Variants in TRPC5 observed in about 807,000 individuals in gnomAD.
TRPC5 encodes short transient receptor potential channel 5.
TRPC5 carries 9 observed loss-of-function variants against 56.5 expected under a neutral mutation model. The ratio of observed to expected loss-of-function variants is 0.16; its 90% CI spans 0.10 to 0.28. The LOEUF is 0.28. Ranked by LOEUF, TRPC5 falls within the 10% of genes least tolerant of loss-of-function variation. The pLI is 1.00. For missense variants in TRPC5, 469 were observed against 748.9 expected, an observed-to-expected ratio of 0.63 and a Z score of 4.36; for synonymous variants, 282 against 278.5, an observed-to-expected ratio of 1.01 and a Z score of -0.13.
chrX:112,060,465 T>C (rs1930434501), intron 1 of TRPC5, among the ~76,000 whole-genome samples: 1 of 112,390 alleles, frequency 8.9e-6, no homozygotes, highest in Admixed American at 9.4e-5. Context: ...TTAATGAACA[T>C]GAGGCTGCTC....
At chrX:111,967,235 A>T (rs1345200597) in intron 1 of TRPC5, among the ~76,000 whole-genome samples, 10 of 111,667 alleles carry the variant, frequency 9.0e-5, no homozygotes, top group East Asian at 8.4e-4. Context: ...CACAATTGCT[A>T]CAAAGAGAAT....
At chrX:111,803,138 A>G (rs1294500060) in intron 7 of TRPC5, among the ~76,000 whole-genome samples, 1 of 111,302 alleles carries the variant, frequency 9.0e-6, no homozygotes, top group East Asian at 2.8e-4. Context: ...TCTTTGTGAT[A>G]GTTTGCTGAG....
chrX:111,951,430 A>G (rs186135151), intron 2 of TRPC5, among the ~76,000 whole-genome samples: 86 of 112,128 alleles, frequency 7.7e-4, no homozygotes, highest in South Asian at 3.8e-4. Context: ...GGGATTGGAC[A>G]TGGGGGCAAG....
At chrX:112,019,063 A>G (rs975184871) in intron 1 of TRPC5, among the ~76,000 whole-genome samples, 14 of 112,648 alleles carry the variant, frequency 1.2e-4, no homozygotes, top group African/African-American at 4.2e-4. Flanking sequence ...AGTCCCATCT[A>G]GATAATCATA....
intron 1 of TRPC5, among the ~76,000 whole-genome samples, chrX:111,997,209 C>G (rs1928561058): frequency 9.0e-6 from 1 of 111,686 alleles, no homozygotes; most frequent in Non-Finnish European, 1.9e-5. Flanking sequence ...GACAAAACCT[C>G]TCAGCATTTG....
intron 1 of TRPC5, among the ~76,000 whole-genome samples, chrX:111,973,106 G>T (rs1203497366): frequency 8.9e-6 from 1 of 111,766 alleles, no homozygotes; most frequent in East Asian, 2.8e-4. Context: ...TTCTTAGTAT[G>T]TAAAAACTCA....
At chrX:111,947,407 G>A (rs1286688155) in intron 2 of TRPC5, among the ~76,000 whole-genome samples, 3 of 111,355 alleles carry the variant, frequency 2.7e-5, no homozygotes, top group Non-Finnish European at 5.7e-5. Context: ...TGCGATCTTG[G>A]CTCACTGCAA....
chrX:112,047,293 A>G (rs1930063377), intron 1 of TRPC5, among the ~76,000 whole-genome samples: 1 of 111,386 alleles, frequency 9.0e-6, no homozygotes, highest in Admixed American at 9.5e-5. Flanking sequence ...TATTTTCTTG[A>G]AAGTGGTTTT....
At chrX:111,948,752 A>G (rs1001804091) in intron 2 of TRPC5, among the ~76,000 whole-genome samples, 1 of 109,835 alleles carries the variant, frequency 9.1e-6, no homozygotes, top group African/African-American at 3.3e-5. Context: ...AAAAAGAAAA[A>G]AAGTGGAAAG....
Position 111,782,058 on chromosome X carries a change from A to T in TRPC5, c.1977T>A (p.Pro659=). ...TGGGGCTGGGGATGATGTTGAAAGGAGGTGGCAAGGTGCCACCTTCATCAA... is the reference window on the plus strand; with the variant it reads ...TGGGGCTGGGGATGATGTTGAAAGGTGGTGGCAAGGTGCCACCTTCATCAA... ...SYFDEGGTLP[P]PFNIIPSPKS... is the part of the protein sequence containing the mutation. The change falls in exon 8 of 11, where the codon CCT becomes CCA. Residue 659 remains proline, a synonymous_variant. Transcript: ENST00000262839. 1 of 1,211,379 alleles carries T rather than the reference A, an allele frequency of 8.3e-7. No homozygotes were observed. Among genetic ancestry groups the T allele is most frequent in the Non-Finnish European group, 1.1e-6 (1 of 895,235 alleles).
At chrX:112,074,647 T>A in intron 1 of TRPC5, among the ~76,000 whole-genome samples, 2 of 111,542 alleles carry the variant, frequency 1.8e-5, no homozygotes, top group Middle Eastern at 9.3e-3. Flanking sequence ...ATGAATGGCT[T>A]AAAGCATGAT....
At chrX:111,946,665 A>G (rs899205160) in intron 2 of TRPC5, among the ~76,000 whole-genome samples, 1 of 112,351 alleles carries the variant, frequency 8.9e-6, no homozygotes, top group Admixed American at 9.4e-5. Flanking sequence ...TGGAAAATTC[A>G]CTTAACTCTT....
chrX:111,784,959 T>G (rs1317786870), intron 7 of TRPC5, among the ~76,000 whole-genome samples: 1 of 112,442 alleles, frequency 8.9e-6, no homozygotes, highest in Non-Finnish European at 1.9e-5. Context: ...TGAGGCCCAC[T>G]GCCTCTAGAC....
chrX:111,847,548 A>G (rs1411323239), intron 5 of TRPC5, 112 bp from the exon 6 acceptor site: 6 of 643,492 alleles, frequency 9.3e-6, no homozygotes, highest in Non-Finnish European at 1.4e-5. Flanking sequence ...TGCATCAAGC[A>G]TTCATTATGC....
At chrX:112,067,683 C>A (rs749160962) in intron 1 of TRPC5, among the ~76,000 whole-genome samples, 39 of 111,966 alleles carry the variant, frequency 3.5e-4, no homozygotes, top group Non-Finnish European at 6.0e-4. Flanking sequence ...GCCCTTGAAA[C>A]CTACTGCTGG....
chrX:111,880,087 C>CTT (rs1261333523), intron 3 of TRPC5, among the ~76,000 whole-genome samples: 10 of 103,285 alleles, frequency 9.7e-5, no homozygotes, highest in African/African-American at 3.5e-4. Flanking sequence ...TTTGTTGCTG[C>CTT]TTTTTTTTTT....
chrX:111,919,587 G>A (rs1466647734), intron 2 of TRPC5, among the ~76,000 whole-genome samples: 1 of 112,082 alleles, frequency 8.9e-6, no homozygotes, highest in Non-Finnish European at 1.9e-5. Context: ...TCATTTACTA[G>A]CCTTTTTGTA....
At chrX:111,827,033 G>A (rs776877613) in intron 7 of TRPC5, among the ~76,000 whole-genome samples, 1 of 111,754 alleles carries the variant, frequency 8.9e-6, no homozygotes, top group Non-Finnish European at 1.9e-5. Flanking sequence ...TAGAGGTTCT[G>A]TGTGTGGGTC....
At chrX:111,957,513 G>A (rs779025554) in intron 1 of TRPC5, among the ~76,000 whole-genome samples, 4 of 111,838 alleles carry the variant, frequency 3.6e-5, no homozygotes, top group Non-Finnish European at 7.5e-5. Flanking sequence ...TTACAGATAA[G>A]GAACCTGAAG....
Sources: gnomAD v4.1 joint callset for allele counts (sites outside exome capture counted in the v4.1 genomes callset) on GRCh38, gnomAD v4.1.1 for gene constraint, MANE v1.5 for transcripts, NCBI Gene and HGNC (gene_info 2026-07-23, HGNC 2026-07-21) for gene names.